TNFSF12: variants seen among roughly 807,000 people sequenced by gnomAD.
TNFSF12 encodes tumor necrosis factor ligand superfamily member 12.
In TNFSF12, 16 loss-of-function variants were observed where a neutral mutation model predicts 31.2. The ratio of observed to expected loss-of-function variants is 0.51; its 90% CI spans 0.35 to 0.78. The LOEUF is 0.78. TNFSF12 is among the 30% of genes least tolerant of loss of function. The pLI, the probability that TNFSF12 is intolerant of heterozygous loss-of-function variation, is 0.01. For synonymous variants in TNFSF12, 150 were observed against 151.4 expected, an observed-to-expected ratio of 0.99 and a Z score of 0.07; for missense variants, 324 against 338.8, an observed-to-expected ratio of 0.96 and a Z score of 0.34.
intron 5 of TNFSF12, among the ~76,000 whole-genome samples, chr17:7,553,312 G>A (rs1279393217): frequency 6.6e-6 from 1 of 152,102 alleles, no homozygotes; most frequent in Non-Finnish European, 1.5e-5. Context: ...GCCTCCCAAA[G>A]TGCTGGGATT....
chr17:7,554,045 A>T (rs2071030027), intron 5 of TNFSF12, among the ~76,000 whole-genome samples: 1 of 152,182 alleles, frequency 6.6e-6, no homozygotes. Flanking sequence ...GTGATATACC[A>T]GGCAAGCCCT....
Position 7,549,315 on chromosome 17 carries a change from G to A in TNFSF12, c.159+3G>A, listed in dbSNP as rs1013121027. On this transcript the variant is annotated splice_donor_region_variant and intron_variant, in intron 1 of 6. Coordinates refer to ENST00000293825, the MANE Select transcript of TNFSF12 (RefSeq NM_003809.3). The surrounding 1 kb of genome is among the most constrained non-coding windows in gnomAD (Gnocchi z 4.1). ...GCCGGGCATCGCTGTCCGCCCAGGT[G>A]AGGCCCCGCTGCGCACCCCTTCTTG... is the stretch of plus-strand genomic sequence containing the variant. 20 of 1,399,332 alleles carry A rather than the reference G, an allele frequency of 1.4e-5. No individual in the cohort carries two copies. The South Asian group carries it at 1.9e-4, about 14-fold the overall frequency. The allele number at this position is 1,399,332 out of a possible 1,614,324, so 86.7% of individuals were successfully genotyped here. A position where few individuals can be genotyped will look rare whatever the true frequency, so the allele number is the denominator to read the frequency against.
rs2070984555 is a variant in TNFSF12, at chr17:7,550,170, C to T, written c.258C>T (p.Asn86=). Residue 86 remains asparagine (N), a synonymous_variant, in exon 3 of 7, where the codon AAC becomes AAT. Coordinates refer to ENST00000293825, the MANE Select transcript of TNFSF12 (RefSeq NM_003809.3). The surrounding 1 kb of genome is among the most constrained non-coding windows in gnomAD (Gnocchi z 4.4). ...EESQDPAPFL[N]RLVRPRRSAP... is the part of the protein sequence containing the mutation. Reference sequence around the variant, plus strand: ...GCCAGGATCCTGCGCCTTTCCTGAACCGACTAGTTCGGCCTCGCAGAAGTG... The same window carrying T: ...GCCAGGATCCTGCGCCTTTCCTGAATCGACTAGTTCGGCCTCGCAGAAGTG... 2.5e-6 allele frequency: 4 copies of T among 1,614,150 alleles called. No homozygotes were observed. The highest frequency in any genetic ancestry group is 1.3e-5 in the African/African-American group (1 of 75,024).
Position 7,550,220 on chromosome 17 carries a change from C to T in TNFSF12, c.283+25C>T, listed in dbSNP as rs769577043. ...GGTGAGCATCCCTCTATCCCAACCT[C>T]AGGAAGCGGGCAGAGCAAAAACCAT... is the stretch of plus-strand genomic sequence containing the variant. On this transcript the variant is annotated intron_variant, in intron 3 of 6. Coordinates refer to ENST00000293825, the MANE Select transcript of TNFSF12 (RefSeq NM_003809.3). This position sits in a 1 kb window ranked among gnomAD's most constrained non-coding sequence, Gnocchi z 4.4. The T allele has an allele frequency of 5.6e-6, 9 of 1,613,976 alleles. No individual in the cohort carries two copies. Among genetic ancestry groups the T allele is most frequent in the Admixed American group, 1.7e-5 (1 of 59,978 alleles).
At position 7,556,135 on chromosome 17, in the gene TNFSF12, C is replaced by T. The variant is rs887396879; in HGVS notation, c.374-643C>T. On this transcript the variant is annotated intron_variant, in intron 5 of 6. Coordinates refer to ENST00000293825, the MANE Select transcript of TNFSF12 (RefSeq NM_003809.3). ...AGCTAGGATTACAGGTGCCTGCCACCATGCCCTGCTAGTTTTTGTATTTTT... is the reference window on the plus strand; with the variant it reads ...AGCTAGGATTACAGGTGCCTGCCACTATGCCCTGCTAGTTTTTGTATTTTT... Among the ~76,000 whole-genome samples, 8 of 152,080 alleles carry T rather than the reference C, an allele frequency of 5.3e-5. No individual in the cohort carries two copies. In the South Asian group the frequency reaches 1.7e-3, roughly 32 times the overall value.
Position 7,557,719 on chromosome 17 carries a change from C to T in TNFSF12, c.*369C>T, listed in dbSNP as rs976790923. ...AGGCACTAAGAGGGGCTGGACCTGGCGGCAGGAAGCCAAAGAGACTGGGCC... is the reference window on the plus strand; with the variant it reads ...AGGCACTAAGAGGGGCTGGACCTGGTGGCAGGAAGCCAAAGAGACTGGGCC... On this transcript the variant is annotated 3_prime_UTR_variant, in exon 7 of 7. Transcript: ENST00000293825. This position sits in a 1 kb window ranked among gnomAD's most constrained non-coding sequence, Gnocchi z 5.2. 1 of 198,630 alleles carries T rather than the reference C, an allele frequency of 5.0e-6. No homozygotes were observed. Among genetic ancestry groups the T allele is most frequent in the Non-Finnish European group, 1.0e-5 (1 of 98,188 alleles). 12.3% of individuals were successfully genotyped at this position (198,630 alleles called of 1,614,324 possible). A position where few individuals can be genotyped will look rare whatever the true frequency, so the allele number is the denominator to read the frequency against.
Position 7,557,438 on chromosome 17 carries a change from G to A in TNFSF12, c.*88G>A. On this transcript the variant is annotated 3_prime_UTR_variant, in exon 7 of 7. Transcript: ENST00000293825. This position sits in a 1 kb window ranked among gnomAD's most constrained non-coding sequence, Gnocchi z 5.2. Reference sequence around the variant, plus strand: ...CCCGGTCCCCTCTGCCCCACCCTCAGCCGCTCTTTGCTCCAGACCTGCCCC... The same window carrying A: ...CCCGGTCCCCTCTGCCCCACCCTCAACCGCTCTTTGCTCCAGACCTGCCCC... 3 of 1,486,462 alleles carry A rather than the reference G, an allele frequency of 2.0e-6. No homozygotes were observed. The East Asian group carries it at 7.0e-5, about 35-fold the overall frequency. The allele number at this position is 1,486,462 out of a possible 1,614,324, so 92.1% of individuals were successfully genotyped here. A position where few individuals can be genotyped will look rare whatever the true frequency, so the allele number is the denominator to read the frequency against.
intron 5 of TNFSF12, among the ~76,000 whole-genome samples, chr17:7,552,301 G>A (rs2071008842): frequency 6.6e-6 from 1 of 150,762 alleles, no homozygotes; most frequent in Admixed American, 6.6e-5. Flanking sequence ...GACGGATAAA[G>A]CCAGGAGTCA....
chr17:7,549,177 G>T lies in TNFSF12; in HGVS notation c.24G>T (p.Arg8Ser). 1 of 1,300,062 alleles carries T rather than the reference G, an allele frequency of 7.7e-7. No homozygotes were observed. Among genetic ancestry groups the T allele is most frequent in the East Asian group, 3.1e-5 (1 of 31,980 alleles). 80.5% of individuals were successfully genotyped at this position (1,300,062 alleles called of 1,614,324 possible). MAARRSQRRRGRRGEPGT... is the reference protein window; with the variant it reads MAARRSQSRRGRRGEPGT... The stretch of plus-strand genomic sequence containing the variant: ...CCATGGCCGCCCGTCGGAGCCAGAG[G>T]CGGAGGGGGCGCCGGGGGGAGCCGG... The change falls in exon 1 of 7, where the codon AGG becomes AGT. Residue 8 changes from arginine to serine, a missense_variant. By Grantham distance (110) the Arg-to-Ser change is moderately radical. Coordinates refer to ENST00000293825, the MANE Select transcript of TNFSF12 (RefSeq NM_003809.3). This position sits in a 1 kb window ranked among gnomAD's most constrained non-coding sequence, Gnocchi z 4.1.
At position 7,550,826 on chromosome 17, in the gene TNFSF12, G is replaced by C. The variant is rs773891967; in HGVS notation, c.311G>C (p.Arg104Pro). 1.9e-6 allele frequency: 3 copies of C among 1,612,242 alleles called. No homozygotes were observed. In the African/African-American group the frequency reaches 4.0e-5, roughly 22 times the overall value. Reference sequence around the variant, plus strand: ...CCTAAAGGCCGGAAAACACGGGCTCGAAGAGCGATCGCAGCCCATTATGAA... The same window carrying C: ...CCTAAAGGCCGGAAAACACGGGCTCCAAGAGCGATCGCAGCCCATTATGAA... Reference protein sequence around the residue: ...SAPKGRKTRARRAIAAHYEVH... With the variant: ...SAPKGRKTRAPRAIAAHYEVH... The change falls in exon 4 of 7, where the codon CGA (arginine) becomes CCA (proline). Residue 104 changes from arginine to proline, a missense_variant. By Grantham distance (103) the Arg-to-Pro change is moderately radical (BLOSUM62 -2). Coordinates refer to ENST00000293825, the MANE Select transcript of TNFSF12 (RefSeq NM_003809.3). This position sits in a 1 kb window ranked among gnomAD's most constrained non-coding sequence, Gnocchi z 4.4.
At chr17:7,555,394 T>C (rs1233577216) in intron 5 of TNFSF12, among the ~76,000 whole-genome samples, 1 of 151,944 alleles carries the variant, frequency 6.6e-6, no homozygotes, top group Non-Finnish European at 1.5e-5. Context: ...ATGATGAGGC[T>C]GGGGGACTCT....
chr17:7,551,084 G>A (rs2070997219), intron 5 of TNFSF12, 106 bp downstream of exon 5: 18 of 1,571,772 alleles, frequency 1.1e-5, no homozygotes, highest in Non-Finnish European at 1.4e-5. Context: ...AACCACAGAA[G>A]CCAGTTCATG....
intron 5 of TNFSF12, among the ~76,000 whole-genome samples, chr17:7,555,987 T>G (rs1296021525): frequency 7.6e-6 from 1 of 130,998 alleles, no homozygotes; most frequent in African/African-American, 2.7e-5. Flanking sequence ...TTTTTGTTTT[T>G]TTTTTTTTTT....
Position 7,549,682 on chromosome 17 carries a change from C to A in TNFSF12, c.207+161C>A. The A allele has an allele frequency of 8.4e-7, 1 of 1,191,772 alleles. No individual in the cohort carries two copies. The highest frequency in any genetic ancestry group is 1.1e-6 in the Non-Finnish European group (1 of 886,156). 73.8% of individuals were successfully genotyped at this position (1,191,772 alleles called of 1,614,324 possible). ...GTGCGTGTCTGCAGGGGTGTGTGTG[C>A]GTGGTGACAACTCTGTGTGAGGGGT... is the stretch of plus-strand genomic sequence containing the variant. On this transcript the variant is annotated intron_variant, in intron 2 of 6. Transcript: ENST00000293825. The surrounding 1 kb of genome is among the most constrained non-coding windows in gnomAD (Gnocchi z 4.1).
In TNFSF12 at chr17:7,550,782, C is replaced by G; in HGVS notation, c.284-17C>G. On this transcript the variant is annotated splice_polypyrimidine_tract_variant and intron_variant, in intron 3 of 6. Coordinates refer to ENST00000293825, the MANE Select transcript of TNFSF12 (RefSeq NM_003809.3). The surrounding 1 kb of genome is among the most constrained non-coding windows in gnomAD (Gnocchi z 4.4). ...ACTAGGGCCCGCTTTGCTCATCTGT[C>G]TTTCCTTGATCCTCAGCACCTAAAG... The G allele has an allele frequency of 6.2e-7, 1 of 1,607,102 alleles. No homozygotes were observed. The highest frequency in any genetic ancestry group is 8.5e-7 in the Non-Finnish European group (1 of 1,174,300).
At position 7,549,308 on chromosome 17, in the gene TNFSF12, C is replaced by A. The variant is rs1170199885; in HGVS notation, c.155C>A (p.Ala52Asp). 2.1e-6 allele frequency: 3 copies of A among 1,398,362 alleles called. No homozygotes were observed. Among genetic ancestry groups the A allele is most frequent in the East Asian group, 5.6e-5 (2 of 35,692 alleles). 86.6% of individuals were successfully genotyped at this position (1,398,362 alleles called of 1,614,324 possible). A position where few individuals can be genotyped will look rare whatever the true frequency, so the allele number is the denominator to read the frequency against. Residue 52 changes from alanine to aspartate, a missense_variant, in exon 1 of 7, where the codon GCC (alanine) becomes GAC (aspartate). Ala to Asp is a moderately radical substitution (Grantham distance 126). Transcript: ENST00000293825. This position sits in a 1 kb window ranked among gnomAD's most constrained non-coding sequence, Gnocchi z 4.1. ...TTGGGGAGCCGGGCATCGCTGTCCG[C>A]CCAGGTGAGGCCCCGCTGCGCACCC... Reference protein sequence around the residue: ...VSLGSRASLSAQEPAQEELVA... With the variant: ...VSLGSRASLSDQEPAQEELVA...
rs775795633 is a variant in TNFSF12, at chr17:7,557,168, C to G, written c.568C>G (p.Arg190Gly). The G allele has an allele frequency of 6.2e-7, 1 of 1,612,358 alleles. No individual in the cohort carries two copies. Among genetic ancestry groups the G allele is most frequent in the Non-Finnish European group, 8.5e-7 (1 of 1,178,894 alleles). The change falls in exon 7 of 7, where the codon CGC becomes GGC. Residue 190 changes from arginine (R) to glycine (G), a missense_variant. Arg to Gly is a moderately radical substitution (Grantham distance 125, BLOSUM62 -2). Transcript: ENST00000293825. This position sits in a 1 kb window ranked among gnomAD's most constrained non-coding sequence, Gnocchi z 5.2. ...DLLVDGVLAL[R>G]CLEEFSATAA... ...GCTGGTGGATGGTGTGCTGGCCCTG[C>G]GCTGCCTGGAGGAATTCTCAGCCAC...
At chr17:7,554,702 C>T (rs1393389348) in intron 5 of TNFSF12, among the ~76,000 whole-genome samples, 2 of 149,924 alleles carry the variant, frequency 1.3e-5, no homozygotes, top group Non-Finnish European at 1.5e-5. Flanking sequence ...TCACTGCAGC[C>T]TTCTCGGGTT....
rs2071018842 is a variant in TNFSF12 at position 7,553,033 on chromosome 17, T to C, written c.373+2055T>C. ...GGAGGCAGGGACAACCTTTTTTTTTTTTTTTTTTTTTTTTTTTTTTTTTTT... is the reference window on the plus strand; with the variant it reads ...GGAGGCAGGGACAACCTTTTTTTTTCTTTTTTTTTTTTTTTTTTTTTTTTT... On this transcript the variant is annotated intron_variant, in intron 5 of 6. Transcript: ENST00000293825. 3.4e-4 allele frequency among the ~76,000 whole-genome samples: 6 copies of C among 17,500 alleles called. No individual in the cohort carries two copies. In the South Asian group the frequency reaches 0.016, roughly 47 times the overall value. 11.5% of individuals were successfully genotyped at this position (17,500 alleles called of 152,430 possible).
Sources: allele counts gnomAD v4.1 joint callset (sites outside exome capture counted in the v4.1 genomes callset), GRCh38; gene constraint gnomAD v4.1.1; non-coding constraint Gnocchi (gnomAD v3.1); transcripts MANE v1.5; gene names NCBI Gene and HGNC (gene_info 2026-07-23, HGNC 2026-07-21).